The following VAT1L variants were observed in gnomAD, a reference collection of about 807,000 sequenced individuals.
VAT1L encodes vesicle amine transport 1 like.
In VAT1L, 34 loss-of-function variants were observed where a neutral mutation model predicts 44.1. That is an observed-to-expected ratio of 0.77 (90% CI 0.59 to 1.03). The LOEUF (loss-of-function observed/expected upper bound fraction) is 1.03. Ranked by LOEUF, VAT1L falls within the 50% of genes least tolerant of loss-of-function variation. The probability of loss-of-function intolerance (pLI) is 0.00; values close to 1 mark genes in which losing one functional copy is unlikely to be tolerated. For synonymous variants in VAT1L, 253 were observed against 202.2 expected (o/e 1.25, Z -2.13); for missense variants, 615 against 538.8 (o/e 1.14, Z -1.40).
intron 7 of VAT1L, among the ~76,000 whole-genome samples, chr16:77,910,589 G>C (rs1400095596): frequency 6.7e-6 from 1 of 148,836 alleles, no homozygotes; most frequent in Non-Finnish European, 1.5e-5. Context: ...CAGGAGAATT[G>C]CATGAACCCG....
At chr16:77,819,590 C>T (rs368967239) in intron 2 of VAT1L, among the ~76,000 whole-genome samples, 10 of 152,130 alleles carry the variant, frequency 6.6e-5, no homozygotes, top group Non-Finnish European at 1.0e-4. Context: ...ACCGTGTTGG[C>T]CAGGCTGGTC....
chr16:77,819,949 G>T (rs1038842928), intron 2 of VAT1L, among the ~76,000 whole-genome samples: 2 of 152,160 alleles, frequency 1.3e-5, no homozygotes, highest in African/African-American at 4.8e-5. Flanking sequence ...CGTTGGGTGT[G>T]TATTATGCCA....
chr16:77,892,441 GT>G, intron 7 of VAT1L: 1 of 485,454 alleles, frequency 2.1e-6, no homozygotes. Flanking sequence ...ATCCCACTAT[GT>G]TGGGGTTGAC....
chr16:77,827,336 A>G (rs1340983446), intron 3 of VAT1L, among the ~76,000 whole-genome samples: 2 of 152,216 alleles, frequency 1.3e-5, no homozygotes, highest in Non-Finnish European at 2.9e-5. Context: ...TTCTGCTGAG[A>G]ATTAGTATTT....
chr16:77,854,245 C>T (rs1405869357), intron 3 of VAT1L, among the ~76,000 whole-genome samples: 2 of 152,194 alleles, frequency 1.3e-5, no homozygotes, highest in Non-Finnish European at 2.9e-5. Flanking sequence ...CTGTAACCTC[C>T]TGCCATTGAA....
At chr16:77,925,555 C>T (rs62042216) in intron 7 of VAT1L, among the ~76,000 whole-genome samples, 11,435 of 152,240 alleles carry the variant, frequency 0.075, 564 homozygotes, top group Non-Finnish European at 0.11. Context: ...AAGATTATTT[C>T]AGCTTTCCAC....
intron 3 of VAT1L, among the ~76,000 whole-genome samples, chr16:77,842,656 C>A (rs947353638): frequency 6.6e-6 from 1 of 152,108 alleles, no homozygotes; most frequent in Non-Finnish European, 1.5e-5. Flanking sequence ...ATAAGTGACA[C>A]AGGCAGCCAG....
At chr16:77,850,286 G>C (rs2016795451) in intron 3 of VAT1L, among the ~76,000 whole-genome samples, 1 of 152,160 alleles carries the variant, frequency 6.6e-6, no homozygotes, top group Non-Finnish European at 1.5e-5. Flanking sequence ...CTTCTCTGTT[G>C]TACACTCATG....
chr16:77,975,437 C>T lies in VAT1L; in HGVS notation c.1162-2160C>T, dbSNP rs570246595. Among the ~76,000 whole-genome samples, 4 of 152,084 alleles carry T rather than the reference C, an allele frequency of 2.6e-5. No individual in the cohort carries two copies. The South Asian group carries it at 8.3e-4, about 32-fold the overall frequency. Reference sequence around the variant, plus strand: ...ATGTTGGCCAGGTTGTTCTTGAAATCCTGACCTCAGGTGATCTGCCCGCCT... The same window carrying T: ...ATGTTGGCCAGGTTGTTCTTGAAATTCTGACCTCAGGTGATCTGCCCGCCT... On this transcript the variant is annotated intron_variant, in intron 8 of 8. Coordinates refer to ENST00000302536, the MANE Select transcript of VAT1L (RefSeq NM_020927.3).
intron 7 of VAT1L, among the ~76,000 whole-genome samples, chr16:77,907,722 A>G (rs1486609636): frequency 1.3e-5 from 2 of 152,192 alleles, no homozygotes; most frequent in Non-Finnish European, 2.9e-5. Flanking sequence ...TTACAAGCTC[A>G]GTACCCAAAA....
intron 1 of VAT1L, among the ~76,000 whole-genome samples, chr16:77,794,041 G>T (rs959941686): frequency 6.6e-6 from 1 of 152,196 alleles, no homozygotes; most frequent in African/African-American, 2.4e-5. Context: ...AAGTGGAAGA[G>T]CCATGTGAAC....
At chr16:77,848,192 C>T (rs2016775405) in intron 3 of VAT1L, among the ~76,000 whole-genome samples, 1 of 152,112 alleles carries the variant, frequency 6.6e-6, no homozygotes, top group African/African-American at 2.4e-5. Flanking sequence ...CTAAATAAGA[C>T]CTTCTAACAA....
intron 1 of VAT1L, among the ~76,000 whole-genome samples, chr16:77,798,580 G>T (rs1442602416): frequency 6.6e-6 from 1 of 152,146 alleles, no homozygotes; most frequent in Middle Eastern, 3.2e-3. Context: ...GATATTAATG[G>T]TGGGGAGGAG....
In VAT1L at chr16:77,945,791, G is replaced by A. The variant is rs555454645; in HGVS notation, c.1078-26059G>A. 2.9e-4 allele frequency among the ~76,000 whole-genome samples: 42 copies of A among 144,506 alleles called. No individual in the cohort carries two copies. The East Asian group carries it at 6.5e-3, about 22-fold the overall frequency. 94.8% of individuals were successfully genotyped at this position (144,506 alleles called of 152,430 possible). On this transcript the variant is annotated intron_variant, in intron 7 of 8. Transcript: ENST00000302536. ...GTTCTTTGTTTTGTTTTCTTTAGTG[G>A]CTTGACTTTTTTTTTTTTTTCTTTT...
At chr16:77,855,121 C>G (rs1304973277) in intron 3 of VAT1L, among the ~76,000 whole-genome samples, 1 of 152,088 alleles carries the variant, frequency 6.6e-6, no homozygotes, top group Non-Finnish European at 1.5e-5. Flanking sequence ...GCAGGCAGAT[C>G]ACGAGGTCAG....
chr16:77,847,879 G>C (rs552315113), intron 3 of VAT1L, among the ~76,000 whole-genome samples: 1 of 152,158 alleles, frequency 6.6e-6, no homozygotes, highest in Admixed American at 6.5e-5. Flanking sequence ...ACAAAAGTAG[G>C]CTGTCAACAA....
chr16:77,872,380 C>G (rs969956459), intron 4 of VAT1L, among the ~76,000 whole-genome samples: 1 of 152,134 alleles, frequency 6.6e-6, no homozygotes, highest in Non-Finnish European at 1.5e-5. Flanking sequence ...AGCTATCATA[C>G]TATTCTCTGA....
chr16:77,811,995 C>T (rs1284798117), intron 1 of VAT1L, among the ~76,000 whole-genome samples: 2 of 152,070 alleles, frequency 1.3e-5, no homozygotes, highest in African/African-American at 4.8e-5. Flanking sequence ...CAAACTCCAC[C>T]GCTAATTGAT....
Position 77,876,602 on chromosome 16 carries a change from T to C in VAT1L, c.826+129T>C, listed in dbSNP as rs1236648589. 8.1e-6 allele frequency: 6 copies of C among 742,674 alleles called. No individual in the cohort carries two copies. In the Admixed American group the frequency reaches 1.3e-4, roughly 16 times the overall value. 46.0% of individuals were successfully genotyped at this position (742,674 alleles called of 1,614,324 possible). ...GGGATGGGGGTGTTTCATTTTTTAA[T>C]GTTTCCTATAATGTTTCTATTACTG... On this transcript the variant is annotated intron_variant, in intron 5 of 8. Transcript: ENST00000302536.
Sources: gnomAD v4.1 joint callset for allele counts (sites outside exome capture counted in the v4.1 genomes callset) on GRCh38, gnomAD v4.1.1 for gene constraint, MANE v1.5 for transcripts, NCBI Gene and HGNC (gene_info 2026-07-23, HGNC 2026-07-21) for gene names.